The following ZDHHC6 variants were observed in gnomAD, a reference collection of about 807,000 sequenced individuals.
The protein encoded by ZDHHC6 is palmitoyltransferase ZDHHC6.
In ZDHHC6, 32 loss-of-function variants were observed where a neutral mutation model predicts 57.8. The observed-to-expected ratio is 0.55, with a 90% CI of 0.42 to 0.74. The LOEUF (loss-of-function observed/expected upper bound fraction) is 0.74, where lower values mean the gene tolerates loss of function less well. Among genes scored for constraint, ZDHHC6 ranks in the 30% least tolerant of loss-of-function variants. ZDHHC6 has a pLI of 0.00. For missense variants in ZDHHC6, 433 were observed against 500.7 expected, an observed-to-expected ratio of 0.86 and a Z score of 1.29; for synonymous variants, 128 against 158.0, an observed-to-expected ratio of 0.81 and a Z score of 1.42.
chr10:112,436,107 A>G (rs1361022827), intron 6 of ZDHHC6, among the ~76,000 whole-genome samples: 1 of 152,358 alleles, frequency 6.6e-6, no homozygotes, highest in Middle Eastern at 3.4e-3. Flanking sequence ...CATAAGATGT[A>G]CAAACTATGA....
At chr10:112,428,558 T>G, downstream of ZDHHC6, 1 of 390,806 alleles carries the variant, frequency 2.6e-6, no homozygotes, top group Non-Finnish European at 4.5e-6. Context: ...GATCATGAGG[T>G]CAGGAGACCG....
chr10:112,436,113 T>G (rs1417602731), intron 6 of ZDHHC6, among the ~76,000 whole-genome samples: 3 of 152,132 alleles, frequency 2.0e-5, no homozygotes, highest in Non-Finnish European at 4.4e-5. Flanking sequence ...ATGTACAAAC[T>G]ATGAGTAATT....
At chr10:112,443,927 T>C (rs1846391408) in intron 2 of ZDHHC6, among the ~76,000 whole-genome samples, 1 of 152,148 alleles carries the variant, frequency 6.6e-6, no homozygotes, top group Non-Finnish European at 1.5e-5. Context: ...TAGCAGGTAT[T>C]TTAGAGTGAG....
intron 8 of ZDHHC6, among the ~76,000 whole-genome samples, 171 bp downstream of exon 8, chr10:112,433,069 T>C (rs1277328268): frequency 6.6e-6 from 1 of 152,132 alleles, no homozygotes; most frequent in Admixed American, 6.5e-5. Flanking sequence ...CTAGTCCCAA[T>C]TATTTAAATA....
At chr10:112,442,459 T>C in intron 3 of ZDHHC6, 108 bp from the exon 4 acceptor site, 3 of 1,103,588 alleles carry the variant, frequency 2.7e-6, no homozygotes, top group South Asian at 3.4e-5. Context: ...GTCCATGAGC[T>C]ACGAGAGAAT....
chr10:112,440,632 T>C lies in ZDHHC6; in HGVS notation c.583A>G (p.Ile195Val), dbSNP rs201168209. 1.2e-5 allele frequency: 20 copies of C among 1,614,044 alleles called. No homozygotes were observed. The East Asian group carries it at 2.2e-4, about 18-fold the overall frequency. The change falls in exon 5 of 11, where the codon ATT (isoleucine) becomes GTT (valine). Residue 195 changes from isoleucine (I) to valine (V), a missense_variant. Coordinates refer to ENST00000369405, the MANE Select transcript of ZDHHC6 (RefSeq NM_022494.3). ...AATGCAGCTAATCCAAATGGAACAA[T>C]TGGAAGAGGATCTCTCCGGGCTGCA... Reference protein sequence around the residue: ...MSAARRDPLPIVPFGLAAFAT... With the variant: ...MSAARRDPLPVVPFGLAAFAT...
chr10:112,444,387 C>T (rs767082762), intron 2 of ZDHHC6, among the ~76,000 whole-genome samples: 3 of 152,204 alleles, frequency 2.0e-5, no homozygotes, highest in Non-Finnish European at 4.4e-5. Flanking sequence ...GCACCCATCA[C>T]GTTCTACTTT....
At chr10:112,425,883 A>G, downstream of ZDHHC6, among the ~76,000 whole-genome samples, 1 of 152,178 alleles carries the variant, frequency 6.6e-6, no homozygotes. Flanking sequence ...CTGTTGTTTT[A>G]TACATACTAT....
downstream of ZDHHC6, chr10:112,428,029 T>C (rs8624): frequency 0.35 from 59,740 of 168,290 alleles, 11,224 homozygotes; most frequent in African/African-American, 0.5. Context: ...CTATGACATA[T>C]TGTCCAAAAG....
At chr10:112,436,471 G>T (rs914432576) in intron 6 of ZDHHC6, among the ~76,000 whole-genome samples, 1 of 152,154 alleles carries the variant, frequency 6.6e-6, no homozygotes, top group Non-Finnish European at 1.5e-5. Context: ...GCGAGACTCC[G>T]TCGCCAGAAA....
intron 5 of ZDHHC6, among the ~76,000 whole-genome samples, chr10:112,439,628 TAAAAAAAAAAAAAAAAAAAAAAAAAAAA>T (rs869272293): frequency 7.3e-4 from 23 of 31,298 alleles, no homozygotes; most frequent in African/African-American, 3.6e-3. Flanking sequence ...AGACTCCGTC[TAAAAAAAAAAAAAAAAAAAAAAAAAAAA>T]AAAAAAAAAA....
chr10:112,427,935 T>C (rs1393249242), downstream of ZDHHC6: 2 of 153,312 alleles, frequency 1.3e-5, no homozygotes, highest in African/African-American at 4.8e-5. Flanking sequence ...TTAAATTGTG[T>C]ACTGAAGGGA....
intron 4 of ZDHHC6, 24 bp from the exon 5 acceptor site, chr10:112,440,719 G>A (rs567359856): frequency 3.2e-5 from 51 of 1,593,448 alleles, no homozygotes; most frequent in South Asian, 2.6e-4. Context: ...AATAGCACAC[G>A]CACAAAATGT....
chr10:112,426,514 TAA>T (rs1589706202), downstream of ZDHHC6: 1 of 644,356 alleles, frequency 1.6e-6, no homozygotes, highest in Non-Finnish European at 2.7e-6. Flanking sequence ...GTTTAAAAAA[TAA>T]AACTCTCTTT....
intron 10 of ZDHHC6, 91 bp from the exon 11 acceptor site, chr10:112,430,998 A>G: frequency 9.5e-7 from 1 of 1,053,928 alleles, no homozygotes; most frequent in Middle Eastern, 2.1e-4. Context: ...CAAATTAATA[A>G]GCTTGTAGTT....
intron 10 of ZDHHC6, among the ~76,000 whole-genome samples, chr10:112,431,514 A>G (rs756905430): frequency 6.6e-6 from 1 of 152,008 alleles, no homozygotes; most frequent in Non-Finnish European, 1.5e-5. Context: ...GGGTTTCACC[A>G]TGTTGGCCAG....
rs115310835 is a variant in ZDHHC6, at chr10:112,446,883, C to A, written c.-393G>T. The A allele has an allele frequency of 3.5e-3, 654 of 185,916 alleles. 5 individuals carry two copies. Among genetic ancestry groups the A allele is most frequent in the African/African-American group, 0.015 (627 of 42,682 alleles). 11.5% of individuals were successfully genotyped at this position (185,916 alleles called of 1,614,324 possible). On this transcript the variant is annotated 5_prime_UTR_variant, in exon 1 of 11. Transcript: ENST00000369405. ...AGTGCGGGACCTGCTACAAGCCGAG[C>A]ACCTCTCGGCCAGCGCCCTCGCCAG...
At chr10:112,425,594 C>CAAAA, downstream of ZDHHC6, 1 of 427,196 alleles carries the variant, frequency 2.3e-6, no homozygotes, top group East Asian at 5.0e-5. Context: ...GCTTATAAAA[C>CAAAA]TAAAAAAAAA....
chr10:112,447,540 A>C (rs1846926090), upstream of ZDHHC6: 1 of 1,525,376 alleles, frequency 6.6e-7, no homozygotes, highest in African/African-American at 1.4e-5. Flanking sequence ...ACGCCGCCCG[A>C]GTAAGTGTGT....
Sources: gnomAD v4.1 joint callset for allele counts (sites outside exome capture counted in the v4.1 genomes callset) on GRCh38, gnomAD v4.1.1 for gene constraint, MANE v1.5 for transcripts, NCBI Gene and HGNC (gene_info 2026-07-23, HGNC 2026-07-21) for gene names.